Variants in MYBPC1 observed in about 807,000 individuals in gnomAD.
MYBPC1 encodes myosin-binding protein C, slow-type.
Under a neutral mutation model 147.1 loss-of-function variants are expected in MYBPC1, and 52 were observed. The observed-to-expected ratio is 0.35, with a 90% CI of 0.28 to 0.45. MYBPC1 has a LOEUF of 0.45. Among genes scored for constraint, MYBPC1 ranks in the 20% least tolerant of loss-of-function variants. The probability of loss-of-function intolerance (pLI) is 1.00; values close to 1 mark genes in which losing one functional copy is unlikely to be tolerated. For synonymous variants in MYBPC1, 477 were observed against 475.9 expected (o/e 1.00, Z -0.03); for missense variants, 1,228 against 1,440.3 (o/e 0.85, Z 2.39).
At chr12:101,663,630 GTC>G (rs1160440898) in intron 22 of MYBPC1, 70 bp downstream of exon 22, 3 of 1,536,346 alleles carry the variant, frequency 2.0e-6, no homozygotes, top group African/African-American at 1.4e-5. Context: ...CCTTTCTTTT[GTC>G]TCTCTTTCTT....
intron 1 of MYBPC1, among the ~76,000 whole-genome samples, chr12:101,613,189 A>T (rs931840391): frequency 4.6e-5 from 7 of 152,182 alleles, no homozygotes; most frequent in African/African-American, 1.7e-4. Flanking sequence ...GCAGGCCTGC[A>T]TTACTGTTTT....
At chr12:101,642,242 C>T (rs569782211) in intron 10 of MYBPC1, among the ~76,000 whole-genome samples, 177 bp from the exon 11 acceptor site, 1 of 152,334 alleles carries the variant, frequency 6.6e-6, no homozygotes, top group Non-Finnish European at 1.5e-5. Flanking sequence ...CTACTACCTG[C>T]AAGTTTCCCT....
At chr12:101,693,872 A>T in the MYBPC1 span, among the ~76,000 whole-genome samples, 1 of 152,218 alleles carries the variant, frequency 6.6e-6, no homozygotes, top group Non-Finnish European at 1.5e-5. Context: ...GGCCAATGGG[A>T]TGAGAGCAGA....
intron 22 of MYBPC1, among the ~76,000 whole-genome samples, chr12:101,664,080 G>A (rs1017209015): frequency 1.3e-5 from 2 of 152,206 alleles, no homozygotes; most frequent in East Asian, 1.9e-4. Flanking sequence ...TTAAATCCTC[G>A]AGTGTATAAG....
In MYBPC1 at chr12:101,595,115, C is replaced by T. The variant is rs746398802; in HGVS notation, c.25+20C>T. ...AAGAGGGTAAGACTTATCTAGAAAT[C>T]TTTTTGTTGTACTCCTGAATAAAGT... On this transcript the variant is annotated intron_variant, in intron 1 of 31. Coordinates refer to ENST00000361466, the MANE Select transcript of MYBPC1 (RefSeq NM_002465.4). 1 of 1,602,704 alleles carries T rather than the reference C, an allele frequency of 6.2e-7. No individual in the cohort carries two copies. The highest frequency in any genetic ancestry group is 8.5e-7 in the Non-Finnish European group (1 of 1,169,930).
At chr12:101,682,482 A>C (rs1951074437) in intron 29 of MYBPC1, 122 bp from the exon 30 acceptor site, 1 of 880,866 alleles carries the variant, frequency 1.1e-6, no homozygotes, top group Non-Finnish European at 1.8e-6. Context: ...TAAAGCTGAA[A>C]TTGTTTATCA....
chr12:101,604,102 A>T lies in MYBPC1; in HGVS notation c.25+9007A>T, dbSNP rs116485753. ...TCCCCTGCAAAACACACCCCATTTG[A>T]TTCTTTAAAACATGGTAAGAGTAGT... On this transcript the variant is annotated intron_variant, in intron 1 of 31. Transcript: ENST00000361466. Among the ~76,000 whole-genome samples the T allele has an allele frequency of 7.1e-3, 1,082 of 152,306 alleles. 12 individuals are homozygous for T. The highest frequency in any genetic ancestry group is 0.024 in the African/African-American group (1,018 of 41,564).
At chr12:101,668,003 C>A in intron 23 of MYBPC1, 104 bp downstream of exon 23, 1 of 1,288,352 alleles carries the variant, frequency 7.8e-7, no homozygotes, top group South Asian at 1.3e-5. Flanking sequence ...GTTGTTACTC[C>A]TTTGATATTT....
chr12:101,644,376 A>G (rs1287484600), intron 11 of MYBPC1, among the ~76,000 whole-genome samples: 2 of 152,170 alleles, frequency 1.3e-5, no homozygotes, highest in Non-Finnish European at 2.9e-5. Context: ...TGAACGCTTT[A>G]TAGTGTACAT....
rs567347734 is a variant in MYBPC1 at position 101,644,281 on chromosome 12, C to T, written c.833-383C>T. On this transcript the variant is annotated intron_variant, in intron 11 of 31. Coordinates refer to ENST00000361466, the MANE Select transcript of MYBPC1 (RefSeq NM_002465.4). ...CGATCTCCTGGCCTCAAGTGATCTG[C>T]CTGCCTCAGCCTCCCAAAGTGCTGG... Among the ~76,000 whole-genome samples the T allele has an allele frequency of 6.8e-4, 103 of 152,308 alleles. 1 individual carries two copies. The highest frequency in any genetic ancestry group is 7.6e-4 in the Non-Finnish European group (52 of 68,026).
chr12:101,659,317 G>A (rs1315736785), intron 18 of MYBPC1, among the ~76,000 whole-genome samples: 1 of 152,158 alleles, frequency 6.6e-6, no homozygotes, highest in Non-Finnish European at 1.5e-5. Flanking sequence ...GTCTGCACTT[G>A]TATTTTTAGT....
rs116971493 is a variant in MYBPC1 at position 101,617,539 on chromosome 12, G to T, written c.103+296G>T. On this transcript the variant is annotated intron_variant, in intron 3 of 31. Transcript: ENST00000361466. ...TCGACATGCATGCTAAGAAAGAGAG[G>T]TGTTTGGTCTTCTTAGGATTATATC... Among the ~76,000 whole-genome samples the T allele has an allele frequency of 0.012, 1,791 of 152,284 alleles. 18 individuals are homozygous for T. Among genetic ancestry groups the T allele is most frequent in the Non-Finnish European group, 0.018 (1,237 of 68,018 alleles).
At position 101,604,086 on chromosome 12, in the gene MYBPC1, A is replaced by G. The variant is rs149761936; in HGVS notation, c.25+8991A>G. ...CAATCTGAGTAAATCTTCCCCTGCA[A>G]AACACACCCCATTTGATTCTTTAAA... On this transcript the variant is annotated intron_variant, in intron 1 of 31. Transcript: ENST00000361466. 2.4e-3 allele frequency among the ~76,000 whole-genome samples: 363 copies of G among 152,324 alleles called. 2 individuals carry two copies. The highest frequency in any genetic ancestry group is 8.2e-3 in the African/African-American group (340 of 41,576).
In MYBPC1 at chr12:101,646,750, C is replaced by G. The variant is rs1017109748; in HGVS notation, c.966-13C>G. On this transcript the variant is annotated splice_polypyrimidine_tract_variant and intron_variant, in intron 12 of 31. Transcript: ENST00000361466. Reference sequence around the variant, plus strand: ...TTCACAGACTCTGTTTATTTTCATCCTATTCAAAACAGATACATCTTTGAA... The same window carrying G: ...TTCACAGACTCTGTTTATTTTCATCGTATTCAAAACAGATACATCTTTGAA... The G allele has an allele frequency of 1.2e-6, 2 of 1,612,188 alleles. No homozygotes were observed. Among genetic ancestry groups the G allele is most frequent in the Non-Finnish European group, 8.5e-7 (1 of 1,178,286 alleles).
chr12:101,635,499 A>G (rs1890808218), intron 9 of MYBPC1, among the ~76,000 whole-genome samples: 1 of 152,166 alleles, frequency 6.6e-6, no homozygotes, highest in Admixed American at 6.5e-5. Context: ...TATTACTGGT[A>G]TTAGGTATTT....
chr12:101,680,585 T>C, intron 29 of MYBPC1, 56 bp downstream of exon 29: 1 of 1,590,128 alleles, frequency 6.3e-7, no homozygotes, highest in Non-Finnish European at 8.6e-7. Flanking sequence ...CATTGAATTA[T>C]TGTTCTTAAT....
At chr12:101,607,564 G>C (rs1882706525) in intron 1 of MYBPC1, among the ~76,000 whole-genome samples, 1 of 152,070 alleles carries the variant, frequency 6.6e-6, no homozygotes, top group Non-Finnish European at 1.5e-5. Flanking sequence ...GTGACAGAAA[G>C]CCACAAAAAC....
chr12:101,689,582 G>C (rs944240956), downstream of MYBPC1, among the ~76,000 whole-genome samples: 1 of 152,026 alleles, frequency 6.6e-6, no homozygotes, highest in Non-Finnish European at 1.5e-5. Context: ...AAAGAAGAGA[G>C]ACGGAAGGAA....
At chr12:101,671,517 A>C (rs1417946886) in intron 24 of MYBPC1, among the ~76,000 whole-genome samples, 1 of 152,222 alleles carries the variant, frequency 6.6e-6, no homozygotes, top group Non-Finnish European at 1.5e-5. Context: ...AATCAGAATG[A>C]AAGCCAAGGA....
Sources: allele counts gnomAD v4.1 joint callset (sites outside exome capture counted in the v4.1 genomes callset), GRCh38; gene constraint gnomAD v4.1.1; transcripts MANE v1.5; gene names NCBI Gene and HGNC (gene_info 2026-07-23, HGNC 2026-07-21).